Variants in CAST observed in about 807,000 individuals in gnomAD.
CAST encodes MIR583 host.
CAST carries 76 observed loss-of-function variants against 119.6 expected under a neutral mutation model. That is an observed-to-expected ratio of 0.64 (90% CI 0.53 to 0.77). The LOEUF (loss-of-function observed/expected upper bound fraction) is 0.77. Among genes scored for constraint, CAST ranks in the 30% least tolerant of loss-of-function variants. The pLI is 0.00. For synonymous variants in CAST, 319 were observed against 331.6 expected (o/e 0.96, Z 0.41); for missense variants, 953 against 946.5 (o/e 1.01, Z -0.09).
chr5:96,143,325 C>T, the CAST span, among the ~76,000 whole-genome samples: 4 of 152,178 alleles, frequency 2.6e-5, no homozygotes, highest in Non-Finnish European at 5.9e-5. Flanking sequence ...ACTGAGACTC[C>T]ACTGAGGTGG....
At chr5:96,327,816 G>A in the CAST span, among the ~76,000 whole-genome samples, 2 of 152,164 alleles carry the variant, frequency 1.3e-5, no homozygotes, top group Non-Finnish European at 2.9e-5. Flanking sequence ...TGCACCAGCA[G>A]CTTCTGTGTA....
At chr5:96,733,224 C>T (rs1158836199) in intron 9 of CAST, among the ~76,000 whole-genome samples, 1 of 152,152 alleles carries the variant, frequency 6.6e-6, no homozygotes. Flanking sequence ...AGACTCATAG[C>T]CTCACTCCAG....
the CAST span, among the ~76,000 whole-genome samples, chr5:96,121,487 A>C: frequency 1.3e-5 from 2 of 151,994 alleles, no homozygotes; most frequent in African/African-American, 4.8e-5. Context: ...TTTGATGAAA[A>C]AAAAAAAAAG....
the CAST span, among the ~76,000 whole-genome samples, chr5:96,129,907 T>C: frequency 1.3e-5 from 2 of 152,014 alleles, no homozygotes; most frequent in African/African-American, 4.8e-5. Flanking sequence ...CAGAGTGTGG[T>C]ATTTTGAGGC....
At chr5:96,294,313 C>T in the CAST span, among the ~76,000 whole-genome samples, 2 of 152,098 alleles carry the variant, frequency 1.3e-5, no homozygotes, top group Non-Finnish European at 2.9e-5. Flanking sequence ...AGAAAACTGA[C>T]CTGTTGTTTT....
chr5:96,413,090 G>T, the CAST span: 1 of 322,604 alleles, frequency 3.1e-6, no homozygotes, highest in Non-Finnish European at 4.5e-6. Context: ...AAGCACTTTT[G>T]TTTCTAAGCC....
chr5:96,661,296 G>A (rs1418003421), upstream of CAST, among the ~76,000 whole-genome samples: 2 of 135,480 alleles, frequency 1.5e-5, no homozygotes, highest in African/African-American at 5.5e-5. Context: ...GTGTGACAAC[G>A]CGCCTGTAGT....
intron 1 of CAST, among the ~76,000 whole-genome samples, chr5:96,633,036 A>G (rs949708684): frequency 1.3e-5 from 2 of 152,154 alleles, no homozygotes; most frequent in Admixed American, 6.5e-5. Flanking sequence ...CAGTGGCGCA[A>G]TCTCAGCTCA....
intron 1 of CAST, among the ~76,000 whole-genome samples, chr5:96,620,102 T>A (rs1013003444): frequency 6.6e-6 from 1 of 152,234 alleles, no homozygotes; most frequent in Non-Finnish European, 1.5e-5. Flanking sequence ...TTACTGCTGC[T>A]GTTATGACCG....
chr5:96,735,647 TA>T (rs1392825292), intron 9 of CAST, among the ~76,000 whole-genome samples: 1 of 152,202 alleles, frequency 6.6e-6, no homozygotes, highest in Admixed American at 6.5e-5. Context: ...TACATCTGGA[TA>T]AAAGCATGGA....
rs562579369 is a variant in CAST at position 96,704,774 on chromosome 5, A to G, written c.210+8867A>G. 5.9e-5 allele frequency among the ~76,000 whole-genome samples: 9 copies of G among 152,332 alleles called. No homozygotes were observed. The East Asian group carries it at 1.2e-3, about 20-fold the overall frequency. On this transcript the variant is annotated intron_variant, in intron 3 of 31. Transcript: ENST00000675179. ...GTTTTTCTGATACATAGAATTAGCA[A>G]TCTGCTTACTAGAAAATTACAGGAG...
At chr5:96,628,113 A>C (rs558074223) in intron 1 of CAST, among the ~76,000 whole-genome samples, 1 of 152,262 alleles carries the variant, frequency 6.6e-6, no homozygotes, top group Non-Finnish European at 1.5e-5. Context: ...GTGCTGTTTC[A>C]GTGAAGAAAA....
the CAST span, among the ~76,000 whole-genome samples, chr5:96,375,912 T>TAA: frequency 1.7e-4 from 25 of 146,582 alleles, no homozygotes; most frequent in Admixed American, 2.7e-4. Flanking sequence ...TATATATATA[T>TAA]AAATATATAA....
chr5:96,732,323 G>A (rs368186623), intron 9 of CAST, among the ~76,000 whole-genome samples: 10 of 122,462 alleles, frequency 8.2e-5, no homozygotes, highest in South Asian at 3.0e-4. Flanking sequence ...GTCTGTTCAT[G>A]TCCTTCGCCC....
chr5:96,560,181 C>CTTATACAAAAA (rs1746327301), intron 1 of CAST, among the ~76,000 whole-genome samples: 3 of 152,106 alleles, frequency 2.0e-5, no homozygotes, highest in Non-Finnish European at 4.4e-5. Context: ...GGATCCCTTC[C>CTTATACAAAAA]TTACACCTTA....
the CAST span, chr5:95,962,109 C>T: frequency 5.3e-6 from 2 of 377,878 alleles, no homozygotes; most frequent in African/African-American, 2.1e-5. Context: ...CTTGGCTAGC[C>T]GGCCGAGATT....
the CAST span, among the ~76,000 whole-genome samples, chr5:96,374,168 A>T: frequency 6.6e-6 from 1 of 152,184 alleles, no homozygotes; most frequent in Non-Finnish European, 1.5e-5. Context: ...GAGTTTCCAT[A>T]ACACCAAAGC....
At chr5:96,677,702 C>G (rs1750872576) in intron 2 of CAST, among the ~76,000 whole-genome samples, 1 of 152,224 alleles carries the variant, frequency 6.6e-6, no homozygotes, top group Admixed American at 6.5e-5. Flanking sequence ...CTGTCCCAAC[C>G]AGCAGAAGTA....
intron 3 of CAST, among the ~76,000 whole-genome samples, chr5:96,719,766 G>A (rs26516): frequency 0.3 from 46,205 of 151,996 alleles, 7,236 homozygotes; most frequent in Middle Eastern, 0.37. Flanking sequence ...CAGCCAAGTG[G>A]CAGGCACTGC....
Sources: gnomAD v4.1 joint callset for allele counts (sites outside exome capture counted in the v4.1 genomes callset) on GRCh38, gnomAD v4.1.1 for gene constraint, MANE v1.5 for transcripts, NCBI Gene and HGNC (gene_info 2026-07-23, HGNC 2026-07-21) for gene names.